CDH4: variants seen among roughly 807,000 people sequenced by gnomAD.
The protein encoded by CDH4 is cadherin-4.
In CDH4, 33 loss-of-function variants were observed where a neutral mutation model predicts 86.0. The observed-to-expected ratio is 0.38, with a 90% confidence interval of 0.29 to 0.51. The LOEUF is 0.51. CDH4 is among the 20% of genes least tolerant of loss of function. CDH4 has a pLI of 0.86. For missense variants in CDH4, 1,114 were observed against 1,307.4 expected (o/e 0.85, Z 2.28); for synonymous variants, 555 against 549.4 (o/e 1.01, Z -0.14).
At chr20:61,425,155 G>C (rs1026972261) in intron 2 of CDH4, among the ~76,000 whole-genome samples, 3 of 152,194 alleles carry the variant, frequency 2.0e-5, no homozygotes, top group African/African-American at 7.2e-5. Flanking sequence ...CACAGCTCAG[G>C]ACCGTGGGCC....
At chr20:61,788,555 G>A (rs1218167071) in intron 4 of CDH4, among the ~76,000 whole-genome samples, 4 of 152,222 alleles carry the variant, frequency 2.6e-5, no homozygotes, top group Non-Finnish European at 5.9e-5. Context: ...GGAGCTGACA[G>A]AGGAGACAGC....
chr20:61,664,508 C>T (rs1427684832), intron 2 of CDH4, among the ~76,000 whole-genome samples: 1 of 152,326 alleles, frequency 6.6e-6, no homozygotes, highest in East Asian at 1.9e-4. Flanking sequence ...CTGCATCAGC[C>T]GGGCTGGGAG....
At chr20:61,602,131 A>G (rs1280386360) in intron 2 of CDH4, among the ~76,000 whole-genome samples, 1 of 152,142 alleles carries the variant, frequency 6.6e-6, no homozygotes, top group Non-Finnish European at 1.5e-5. Flanking sequence ...CTTTCTGGTG[A>G]ATGCAGCAGG....
chr20:61,782,491 TG>T (rs2146000074), intron 4 of CDH4, among the ~76,000 whole-genome samples: 1 of 152,332 alleles, frequency 6.6e-6, no homozygotes, highest in South Asian at 2.1e-4. Flanking sequence ...GATACATTTA[TG>T]GGCTAATATA....
intron 2 of CDH4, among the ~76,000 whole-genome samples, chr20:61,319,111 G>A (rs1174667455): frequency 1.3e-5 from 2 of 152,106 alleles, no homozygotes; most frequent in Admixed American, 6.5e-5. Flanking sequence ...TCACCTCATG[G>A]TCCTTAGCTC....
In CDH4 at chr20:61,725,904, C is replaced by G. The variant is rs540540499; in HGVS notation, c.170-17659C>G. 8.7e-4 allele frequency among the ~76,000 whole-genome samples: 133 copies of G among 152,304 alleles called. 2 individuals carry two copies. The highest frequency in any genetic ancestry group is 3.1e-3 in the African/African-American group (128 of 41,562). On this transcript the variant is annotated intron_variant, in intron 2 of 15. Coordinates refer to ENST00000614565, the MANE Select transcript of CDH4 (RefSeq NM_001794.5). ...GCAAGGCACTAATGAGGGAGGCTTG[C>G]GGCTCTAGAAATAGCCTGGCCGGTC...
Position 61,894,943 on chromosome 20 carries a change from A to T in CDH4, c.1084A>T (p.Thr362Ser), listed in dbSNP as rs1416880369. ...VQQYTVIVQA[T>S]DMEGNLNYGL... ...GCAGTACACAGTCATCGTTCAGGCC[A>T]CAGATATGGAAGGAAATCTCAACTA... Residue 362 changes from threonine (T) to serine (S), a missense_variant, in exon 8 of 16, where the codon ACA (threonine) becomes TCA (serine). Physicochemically the swap from Thr to Ser is moderately conservative, Grantham distance 58 (BLOSUM62 1). Transcript: ENST00000614565. 11 of 1,613,824 alleles carry T rather than the reference A, an allele frequency of 6.8e-6. No individual in the cohort carries two copies. Among genetic ancestry groups the T allele is most frequent in the Non-Finnish European group, 9.3e-6 (11 of 1,180,000 alleles).
chr20:61,757,189 G>A (rs869827), intron 3 of CDH4, among the ~76,000 whole-genome samples: 799 of 152,182 alleles, frequency 5.3e-3, no homozygotes, highest in Middle Eastern at 6.8e-3. Context: ...TCAGCAGAGC[G>A]TGTATTGGTA....
At chr20:61,528,696 G>T (rs1432799046) in intron 2 of CDH4, among the ~76,000 whole-genome samples, 1 of 152,188 alleles carries the variant, frequency 6.6e-6, no homozygotes, top group African/African-American at 2.4e-5. Flanking sequence ...GACCAAAGCT[G>T]CGGGAATGGA....
chr20:61,298,349 C>G (rs2084367969), intron 2 of CDH4, among the ~76,000 whole-genome samples: 3 of 149,658 alleles, frequency 2.0e-5, no homozygotes, highest in African/African-American at 7.3e-5. Flanking sequence ...GATCCACTCT[C>G]CTAGACAATC....
At chr20:61,768,651 G>A (rs1418489923) in intron 3 of CDH4, among the ~76,000 whole-genome samples, 1 of 152,132 alleles carries the variant, frequency 6.6e-6, no homozygotes, top group Non-Finnish European at 1.5e-5. Context: ...CAAGATGACT[G>A]CGTGTTCAAA....
intron 2 of CDH4, among the ~76,000 whole-genome samples, chr20:61,538,925 C>T (rs554653645): frequency 5.3e-5 from 8 of 152,168 alleles, no homozygotes; most frequent in African/African-American, 7.2e-5. Flanking sequence ...CCCAGGGCAC[C>T]GTGGCTTCCT....
chr20:61,636,061 G>A (rs1050640990), intron 2 of CDH4, among the ~76,000 whole-genome samples: 22 of 152,318 alleles, frequency 1.4e-4, no homozygotes, highest in East Asian at 3.9e-4. Context: ...TGATGAATGC[G>A]GGGGGCTCCA....
chr20:61,784,233 G>A (rs112225691), intron 4 of CDH4, among the ~76,000 whole-genome samples: 14 of 2,674 alleles, frequency 5.2e-3, no homozygotes, highest in African/African-American at 0.01. Context: ...AGGCCCTCAG[G>A]TGTCTTGTGC....
At chr20:61,667,031 G>C (rs985375473) in intron 2 of CDH4, among the ~76,000 whole-genome samples, 2 of 152,266 alleles carry the variant, frequency 1.3e-5, no homozygotes, top group Non-Finnish European at 2.9e-5. Context: ...ACCACAGTCT[G>C]TATGGACCGT....
intron 3 of CDH4, among the ~76,000 whole-genome samples, chr20:61,752,648 A>G (rs1486953667): frequency 6.6e-6 from 1 of 152,240 alleles, no homozygotes; most frequent in African/African-American, 2.4e-5. Flanking sequence ...CAATGAGTCA[A>G]TAAATTGCAG....
At chr20:61,427,933 G>C (rs541960249) in intron 2 of CDH4, among the ~76,000 whole-genome samples, 1 of 151,936 alleles carries the variant, frequency 6.6e-6, no homozygotes, top group South Asian at 2.1e-4. Flanking sequence ...GAGAGGGAAA[G>C]ACTTTGATAG....
intron 2 of CDH4, among the ~76,000 whole-genome samples, chr20:61,617,331 A>C (rs2086733371): frequency 6.6e-6 from 1 of 152,322 alleles, no homozygotes; most frequent in South Asian, 2.1e-4. Flanking sequence ...GGCAGTGCTC[A>C]GTGAGCAGTT....
intron 2 of CDH4, among the ~76,000 whole-genome samples, chr20:61,471,743 C>A (rs2085504942): frequency 6.6e-6 from 1 of 151,810 alleles, no homozygotes; most frequent in Non-Finnish European, 1.5e-5. Flanking sequence ...TTTCAATTTC[C>A]TTCTTAATTT....
Sources: allele counts gnomAD v4.1 joint callset (sites outside exome capture counted in the v4.1 genomes callset), GRCh38; gene constraint gnomAD v4.1.1; transcripts MANE v1.5; gene names NCBI Gene and HGNC (gene_info 2026-07-23, HGNC 2026-07-21).